Variants in SLCO4C1 observed in about 807,000 individuals in gnomAD.
The protein encoded by SLCO4C1 is solute carrier organic anion transporter family member 4C1.
Under a neutral mutation model 72.1 loss-of-function variants are expected in SLCO4C1, and 58 were observed. That is an observed-to-expected ratio of 0.80 (90% CI 0.65 to 1.00). SLCO4C1 has a LOEUF of 1.00. SLCO4C1 is among the 50% of genes least tolerant of loss of function. The pLI, the probability that SLCO4C1 is intolerant of heterozygous loss-of-function variation, is 0.00. For missense variants in SLCO4C1, 898 were observed against 857.9 expected, an observed-to-expected ratio of 1.05 and a Z score of -0.58; for synonymous variants, 297 against 312.5, an observed-to-expected ratio of 0.95 and a Z score of 0.52.
Position 102,260,339 on chromosome 5 carries a change from ATATATATAATATATATAT to A in SLCO4C1, c.1022-38_1022-21del. On this transcript the variant is annotated intron_variant, in intron 5 of 12. Transcript: ENST00000310954. ...CTGTACCTAAAAAAAAAATATATAT[ATATATATAATATATATAT>A]TATACATATAATATATTATATGTAT... The A allele has an allele frequency of 6.1e-6, 2 of 329,332 alleles. No individual in the cohort carries two copies. The allele number at this position is 329,332 out of a possible 1,614,324, so 20.4% of individuals were successfully genotyped here.
In SLCO4C1 at chr5:102,239,282, G is replaced by A. The variant is rs568979441; in HGVS notation, c.1983C>T (p.Asn661=). The A allele has an allele frequency of 8.0e-5, 128 of 1,598,582 alleles. No individual in the cohort carries two copies. In the South Asian group the frequency reaches 1.3e-3, roughly 17 times the overall value. Residue 661 remains asparagine, a synonymous_variant, in exon 12 of 13, where the codon AAC becomes AAT. Coordinates refer to ENST00000310954, the MANE Select transcript of SLCO4C1 (RefSeq NM_180991.5). The part of the protein sequence containing the change: ...GIKGACWIYD[N]IKMAHMLVAI... ...CTACTAGCATATGGGCCATCTTGAT[G>A]TTATCATAAATCCAGCAAGCTCCTT...
intron 6 of SLCO4C1, among the ~76,000 whole-genome samples, chr5:102,259,603 T>C (rs1240559825): frequency 6.6e-6 from 1 of 152,146 alleles, no homozygotes; most frequent in African/African-American, 2.4e-5. Flanking sequence ...TGAATAAAAC[T>C]TTTATAACAC....
chr5:102,261,418 CAT>C (rs1322257396), intron 5 of SLCO4C1, among the ~76,000 whole-genome samples: 1 of 137,686 alleles, frequency 7.3e-6, no homozygotes, highest in Non-Finnish European at 1.6e-5. Flanking sequence ...TCTCAAAAAA[CAT>C]AAAAGAAAGA....
In SLCO4C1 at chr5:102,262,598, A is replaced by T. The variant is rs528401651; in HGVS notation, c.900-565T>A. Among the ~76,000 whole-genome samples the T allele has an allele frequency of 1.1e-3, 172 of 152,066 alleles. 1 individual carries two copies. The highest frequency in any genetic ancestry group is 2.1e-3 in the Non-Finnish European group (142 of 67,936). ...AGTGATTCTCCCATTTTAGCCTCCC[A>T]AGTAGCTGGGACTTCAGGCACAAGC... On this transcript the variant is annotated intron_variant, in intron 4 of 12. Transcript: ENST00000310954.
intron 3 of SLCO4C1, among the ~76,000 whole-genome samples, chr5:102,265,379 A>G (rs1187869288): frequency 6.6e-6 from 1 of 152,138 alleles, no homozygotes; most frequent in Non-Finnish European, 1.5e-5. Context: ...AGTCTTAGCC[A>G]TATAATCTTT....
At chr5:102,294,829 A>G (rs1270423167) in intron 1 of SLCO4C1, among the ~76,000 whole-genome samples, 2 of 152,248 alleles carry the variant, frequency 1.3e-5, no homozygotes, top group East Asian at 1.9e-4. Flanking sequence ...AACAAAAAGT[A>G]TACTTAGGCT....
In SLCO4C1 at chr5:102,257,365, T is replaced by C. The variant is rs1489811439; in HGVS notation, c.1274-55A>G. The C allele has an allele frequency of 2.2e-6, 3 of 1,345,222 alleles. No homozygotes were observed. In the African/African-American group the frequency reaches 4.5e-5, roughly 20 times the overall value. The allele number at this position is 1,345,222 out of a possible 1,614,324, so 83.3% of individuals were successfully genotyped here. On this transcript the variant is annotated intron_variant, in intron 7 of 12. Coordinates refer to ENST00000310954, the MANE Select transcript of SLCO4C1 (RefSeq NM_180991.5). ...GAAACCATACACATATACTCACTCA[T>C]ACTGACAACTGGAAAACATCAAAAA...
intron 3 of SLCO4C1, among the ~76,000 whole-genome samples, chr5:102,269,743 C>T (rs187823632): frequency 1.2e-4 from 18 of 152,188 alleles, no homozygotes; most frequent in Non-Finnish European, 1.9e-4. Context: ...TTTCAAAGTG[C>T]CATGTTTCCT....
chr5:102,270,575 C>T (rs776267818), intron 3 of SLCO4C1, 49 bp downstream of exon 3: 1 of 1,455,144 alleles, frequency 6.9e-7, no homozygotes, highest in Non-Finnish European at 9.1e-7. Flanking sequence ...CTAAAGTGAA[C>T]AAATAATAAG....
chr5:102,263,753 C>A lies in SLCO4C1; in HGVS notation c.830G>T (p.Gly277Val), dbSNP rs765013920. 8 of 1,612,644 alleles carry A rather than the reference C, an allele frequency of 5.0e-6. No homozygotes were observed. Among genetic ancestry groups the A allele is most frequent in the Non-Finnish European group, 6.8e-6 (8 of 1,179,086 alleles). Residue 277 changes from glycine to valine, a missense_variant, in exon 4 of 13, where the codon GGC (glycine) becomes GTC (valine). Gly to Val is a moderately radical substitution (Grantham distance 109). Transcript: ENST00000310954. Reference protein sequence around the residue: ...IGTGYAMSILGPAIGYVLGGQ... With the variant: ...IGTGYAMSILVPAIGYVLGGQ... ...TCCCAATACATAGCCAATAGCAGGG[C>A]CTAAGATTGACATAGCATAACCGGT...
At chr5:102,275,711 G>A (rs958373429) in intron 2 of SLCO4C1, among the ~76,000 whole-genome samples, 3 of 152,076 alleles carry the variant, frequency 2.0e-5, no homozygotes, top group African/African-American at 7.2e-5. Flanking sequence ...TGTGTGCTTC[G>A]TAAATCTTCT....
Position 102,262,032 on chromosome 5 carries a change from T to C in SLCO4C1, c.901A>G (p.Thr301Ala). Residue 301 changes from threonine (T) to alanine (A), a missense_variant and splice_region_variant, in exon 5 of 13, where the codon ACT becomes GCT. Thr to Ala is a moderately conservative substitution (Grantham distance 58, BLOSUM62 0). Coordinates refer to ENST00000310954, the MANE Select transcript of SLCO4C1 (RefSeq NM_180991.5). ...CGCGGATCATCCTCAGTGACATCAG[T>C]GCTATATGATAGAAAAACAAGAGGT... ...IYIDVAMGESTDVTEDDPRWL... is the reference protein window; with the variant it reads ...IYIDVAMGESADVTEDDPRWL... 1 of 1,596,622 alleles carries C rather than the reference T, an allele frequency of 6.3e-7. No homozygotes were observed. Among genetic ancestry groups the C allele is most frequent in the Non-Finnish European group, 8.5e-7 (1 of 1,174,074 alleles).
chr5:102,245,101 A>G (rs751019819), intron 10 of SLCO4C1, among the ~76,000 whole-genome samples: 4 of 152,226 alleles, frequency 2.6e-5, no homozygotes, highest in Non-Finnish European at 4.4e-5. Context: ...GACATAGTAC[A>G]ATAAGATATA....
intron 6 of SLCO4C1, among the ~76,000 whole-genome samples, chr5:102,259,998 T>C (rs999104705): frequency 6.6e-6 from 1 of 151,934 alleles, no homozygotes. Context: ...TATGAAAAGA[T>C]GGCATGTGTG....
intron 2 of SLCO4C1, among the ~76,000 whole-genome samples, chr5:102,275,016 T>A (rs1749223323): frequency 6.6e-6 from 1 of 152,096 alleles, no homozygotes; most frequent in Non-Finnish European, 1.5e-5. Context: ...GGCAGCATAA[T>A]TTTATTAAAA....
At chr5:102,291,706 T>C in intron 1 of SLCO4C1, 100 bp from the exon 2 acceptor site, 1 of 936,626 alleles carries the variant, frequency 1.1e-6, no homozygotes, top group East Asian at 3.4e-5. Context: ...TTCTTTTTTT[T>C]CTTAAAATGT....
At chr5:102,249,973 C>A (rs890280963) in intron 8 of SLCO4C1, among the ~76,000 whole-genome samples, 185 bp from the exon 9 acceptor site, 3 of 152,126 alleles carry the variant, frequency 2.0e-5, no homozygotes, top group African/African-American at 7.2e-5. Context: ...GCAATAAAAA[C>A]AATAGTCATA....
intron 2 of SLCO4C1, among the ~76,000 whole-genome samples, chr5:102,285,367 C>T (rs1168125850): frequency 6.6e-6 from 1 of 152,158 alleles, no homozygotes; most frequent in African/African-American, 2.4e-5. Flanking sequence ...TCCCTGCAAC[C>T]TCCGCCTCCT....
chr5:102,288,729 C>G (rs114429979), intron 2 of SLCO4C1, among the ~76,000 whole-genome samples: 3 of 152,190 alleles, frequency 2.0e-5, no homozygotes, highest in Admixed American at 6.5e-5. Flanking sequence ...CTCCAAAGCC[C>G]TTAACCATAT....
Sources: allele counts gnomAD v4.1 joint callset (sites outside exome capture counted in the v4.1 genomes callset), GRCh38; gene constraint gnomAD v4.1.1; transcripts MANE v1.5; gene names NCBI Gene and HGNC (gene_info 2026-07-23, HGNC 2026-07-21).